The following TFEC variants were observed in gnomAD, a reference collection of about 807,000 sequenced individuals.
TFEC encodes transcription factor EC.
TFEC carries 31 observed loss-of-function variants against 41.6 expected under a neutral mutation model. The observed-to-expected ratio is 0.74, with a 90% CI of 0.56 to 1.01. The LOEUF is 1.01. TFEC is among the 50% of genes least tolerant of loss of function. TFEC has a pLI of 0.00. For synonymous variants in TFEC, 143 were observed against 140.6 expected, an observed-to-expected ratio of 1.02 and a Z score of -0.12; for missense variants, 402 against 404.1, an observed-to-expected ratio of 0.99 and a Z score of 0.04.
upstream of TFEC, among the ~76,000 whole-genome samples, chr7:116,033,336 TAAA>T (rs1795832910): frequency 6.6e-6 from 1 of 152,066 alleles, no homozygotes; most frequent in Non-Finnish European, 1.5e-5. Context: ...GCACCTTGGT[TAAA>T]ATACTTCACT....
intron 3 of TFEC, chr7:116,110,602 G>C (rs1562972712): frequency 1.2e-6 from 1 of 834,342 alleles, no homozygotes; most frequent in African/African-American, 1.8e-5. Context: ...TTTTATTCTT[G>C]TTTTTTTCCT....
At chr7:116,073,090 C>G (rs1416923655) in intron 3 of TFEC, among the ~76,000 whole-genome samples, 2 of 151,440 alleles carry the variant, frequency 1.3e-5, no homozygotes, top group East Asian at 1.9e-4. Context: ...CATAGAAAAT[C>G]TTAAAGAATT....
chr7:115,969,256 G>A (rs923964558), intron 3 of TFEC, among the ~76,000 whole-genome samples: 1 of 151,808 alleles, frequency 6.6e-6, no homozygotes, highest in Non-Finnish European at 1.5e-5. Flanking sequence ...CAAAATCCCT[G>A]TCTTCAAGGG....
intron 3 of TFEC, among the ~76,000 whole-genome samples, chr7:116,070,887 GAAC>G (rs1796811280): frequency 6.6e-6 from 1 of 151,040 alleles, no homozygotes; most frequent in Non-Finnish European, 1.5e-5. Flanking sequence ...TCTATATGAA[GAAC>G]AAGACAGAAA....
chr7:116,018,733 G>T (rs1225130722), intron 1 of TFEC, among the ~76,000 whole-genome samples: 1 of 152,172 alleles, frequency 6.6e-6, no homozygotes, highest in African/African-American at 2.4e-5. Context: ...GAAGTATGAG[G>T]TTGAATGAGA....
At chr7:115,987,754 C>T (rs577869280) in intron 1 of TFEC, among the ~76,000 whole-genome samples, 12 of 151,910 alleles carry the variant, frequency 7.9e-5, no homozygotes, top group South Asian at 4.2e-4. Context: ...TTTATATGTG[C>T]TCATATAAAC....
intron 3 of TFEC, among the ~76,000 whole-genome samples, chr7:116,046,231 G>A (rs1198925412): frequency 1.3e-5 from 2 of 152,086 alleles, no homozygotes; most frequent in East Asian, 3.9e-4. Context: ...TATTTGGAGG[G>A]GCCAGGGGCA....
intron 3 of TFEC, among the ~76,000 whole-genome samples, chr7:116,098,914 G>A (rs1464056627): frequency 1.4e-5 from 2 of 146,570 alleles, no homozygotes; most frequent in Non-Finnish European, 3.0e-5. Context: ...AAGGAAGGAA[G>A]GAAGGAAGGA....
chr7:115,938,304 T>A lies in TFEC; in HGVS notation c.*2247A>T, dbSNP rs918145066. On this transcript the variant is annotated 3_prime_UTR_variant, in exon 8 of 8. Transcript: ENST00000265440. ...GTCTCTATCTAATAAAGTGGTGTGT[T>A]TTCTATGAACTCCAAAATATATTCC... is the stretch of plus-strand genomic sequence containing the variant. 6.6e-6 allele frequency: 1 copy of A among 151,970 alleles called. No homozygotes were observed. Among genetic ancestry groups the A allele is most frequent in the Non-Finnish European group, 1.5e-5 (1 of 67,896 alleles). 9.4% of individuals were successfully genotyped at this position (151,970 alleles called of 1,614,324 possible). A position where few individuals can be genotyped will look rare whatever the true frequency, so the allele number is the denominator to read the frequency against.
intron 1 of TFEC, among the ~76,000 whole-genome samples, chr7:116,141,894 T>G (rs770860587): frequency 6.6e-6 from 1 of 152,228 alleles, no homozygotes; most frequent in South Asian, 2.1e-4. Flanking sequence ...AATTGATAAA[T>G]AGTCGCTCAT....
chr7:116,012,149 AG>A (rs1187175510), intron 1 of TFEC, among the ~76,000 whole-genome samples: 1 of 152,194 alleles, frequency 6.6e-6, no homozygotes, highest in African/African-American at 2.4e-5. Flanking sequence ...TTTCCTGTAA[AG>A]GTGGAAATGT....
chr7:115,947,913 GT>G (rs199836892), intron 6 of TFEC, among the ~76,000 whole-genome samples: 2,756 of 152,026 alleles, frequency 0.018, 90 homozygotes, highest in African/African-American at 0.063. Context: ...CCAGGAGCTG[GT>G]TTTTTGAAAG....
intron 1 of TFEC, among the ~76,000 whole-genome samples, chr7:116,016,332 C>T (rs975097594): frequency 9.2e-5 from 14 of 152,146 alleles, no homozygotes; most frequent in Non-Finnish European, 1.6e-4. Flanking sequence ...GACCTCAGGG[C>T]TCAGACTAGG....
chr7:116,062,820 T>C lies in TFEC; in HGVS notation c.198+47888A>G, dbSNP rs1438940482. On this transcript the variant is annotated intron_variant, in intron 3 of 8. Coordinates refer to the TFEC transcript ENST00000484212. ...ACACTGTTTTCCATAGTGGTTGTAA[T>C]AGTTTACATTACCAGACTGCTGGTA... Among the ~76,000 whole-genome samples the C allele has an allele frequency of 2.0e-5, 3 of 152,042 alleles. No individual in the cohort carries two copies. The South Asian group carries it at 6.2e-4, about 32-fold the overall frequency.
At chr7:115,942,177 T>C (rs1793541746) in intron 6 of TFEC, 137 bp from the exon 7 acceptor site, 2 of 854,418 alleles carry the variant, frequency 2.3e-6, no homozygotes, top group Non-Finnish European at 3.3e-6. Context: ...TGCTTCTGAA[T>C]AGAAATTTTA....
chr7:116,097,466 A>T (rs1797493674), intron 3 of TFEC, among the ~76,000 whole-genome samples: 1 of 152,202 alleles, frequency 6.6e-6, no homozygotes, highest in African/African-American at 2.4e-5. Flanking sequence ...TTTTTGGGCC[A>T]TTATTAAGTA....
intron 1 of TFEC, among the ~76,000 whole-genome samples, chr7:116,013,000 T>C (rs536848240): frequency 1.3e-5 from 2 of 152,188 alleles, no homozygotes; most frequent in South Asian, 4.1e-4. Context: ...AACCATTTTC[T>C]AAAGAATATG....
intron 1 of TFEC, among the ~76,000 whole-genome samples, chr7:116,157,775 T>A (rs938061314): frequency 6.6e-6 from 1 of 152,148 alleles, no homozygotes; most frequent in Non-Finnish European, 1.5e-5. Context: ...AGGCCCACTT[T>A]GTTTTCTCAC....
At chr7:116,158,990 TTA>T (rs1335847963) in intron 1 of TFEC, among the ~76,000 whole-genome samples, 4 of 151,948 alleles carry the variant, frequency 2.6e-5, no homozygotes, top group African/African-American at 7.2e-5. Flanking sequence ...ATAATGAAAA[TTA>T]GTTTTACAAA....
Sources: allele counts gnomAD v4.1 joint callset (sites outside exome capture counted in the v4.1 genomes callset), GRCh38; gene constraint gnomAD v4.1.1; transcripts MANE v1.5; gene names NCBI Gene and HGNC (gene_info 2026-07-23, HGNC 2026-07-21).